WDR70: variants seen among roughly 807,000 people sequenced by gnomAD.
The protein encoded by WDR70 is WD repeat domain 70.
In WDR70, 53 loss-of-function variants were observed where a neutral mutation model predicts 88.6. That is an observed-to-expected ratio of 0.60 (90% confidence interval 0.48 to 0.75). The LOEUF (loss-of-function observed/expected upper bound fraction) is 0.75. Ranked by LOEUF, WDR70 falls within the 30% of genes least tolerant of loss-of-function variation. The pLI, the probability that WDR70 is intolerant of heterozygous loss-of-function variation, is 0.00. For synonymous variants in WDR70, 280 were observed against 270.0 expected, an observed-to-expected ratio of 1.04 and a Z score of -0.36; for missense variants, 610 against 823.2, an observed-to-expected ratio of 0.74 and a Z score of 3.17.
intron 5 of WDR70, among the ~76,000 whole-genome samples, chr5:37,430,551 T>A (rs1009533775): frequency 6.6e-6 from 1 of 152,088 alleles, no homozygotes; most frequent in Non-Finnish European, 1.5e-5. Flanking sequence ...GTGTATAGAT[T>A]TTTTTCTTTT....
At chr5:37,582,084 G>A (rs1335248088) in intron 9 of WDR70, among the ~76,000 whole-genome samples, 2 of 139,666 alleles carry the variant, frequency 1.4e-5, no homozygotes, top group Admixed American at 7.5e-5. Flanking sequence ...CTTAGTTACA[G>A]TTTTTATTTG....
At chr5:37,692,062 A>G (rs966541029) in intron 10 of WDR70, among the ~76,000 whole-genome samples, 6 of 152,360 alleles carry the variant, frequency 3.9e-5, no homozygotes, top group Admixed American at 3.9e-4. Flanking sequence ...CTACCATCAA[A>G]GAATACTATA....
At chr5:37,734,839 A>G (rs961557717) in intron 17 of WDR70, among the ~76,000 whole-genome samples, 2 of 152,132 alleles carry the variant, frequency 1.3e-5, no homozygotes, top group Admixed American at 6.6e-5. Flanking sequence ...ACTTCGATCT[A>G]TGAATGGGAT....
intron 7 of WDR70, 83 bp from the exon 8 acceptor site, chr5:37,479,751 T>G (rs76523401): frequency 0.16 from 227,732 of 1,433,988 alleles, 19,280 homozygotes; most frequent in South Asian, 0.27. Flanking sequence ...GTGTAACATT[T>G]TTTTTTCTGG....
At chr5:37,653,777 G>A (rs1184274731) in intron 10 of WDR70, among the ~76,000 whole-genome samples, 1 of 152,172 alleles carries the variant, frequency 6.6e-6, no homozygotes, top group Non-Finnish European at 1.5e-5. Context: ...TGTGGGATCA[G>A]TGGTGATATC....
intron 9 of WDR70, among the ~76,000 whole-genome samples, chr5:37,573,876 A>C (rs980707027): frequency 2.0e-5 from 3 of 152,028 alleles, no homozygotes; most frequent in Non-Finnish European, 4.4e-5. Context: ...CTTCTCAGCA[A>C]CCCTCAGCAC....
intron 9 of WDR70, among the ~76,000 whole-genome samples, chr5:37,579,853 C>T (rs1342532334): frequency 6.6e-6 from 1 of 151,532 alleles, no homozygotes; most frequent in African/African-American, 2.4e-5. Context: ...TCATTTCCAC[C>T]TTCTCTTCAA....
At chr5:37,519,672 C>A (rs1741024172) in intron 9 of WDR70, among the ~76,000 whole-genome samples, 2 of 150,792 alleles carry the variant, frequency 1.3e-5, no homozygotes, top group Admixed American at 1.3e-4. Context: ...GCGCTCCTCA[C>A]TTCCCAGACG....
At chr5:37,381,057 G>A (rs1748409604) in intron 2 of WDR70, among the ~76,000 whole-genome samples, 1 of 152,174 alleles carries the variant, frequency 6.6e-6, no homozygotes, top group Admixed American at 6.6e-5. Flanking sequence ...GGGGGAGGAG[G>A]AGAATGTTTC....
Position 37,516,420 on chromosome 5 carries a change from AT to A in WDR70, c.841-89del, listed in dbSNP as rs1740885153. The A allele has an allele frequency of 7.4e-6, 5 of 673,484 alleles. No homozygotes were observed. In the East Asian group the frequency reaches 1.1e-4, roughly 15 times the overall value. 41.7% of individuals were successfully genotyped at this position (673,484 alleles called of 1,614,324 possible). A position where few individuals can be genotyped will look rare whatever the true frequency, so the allele number is the denominator to read the frequency against. On this transcript the variant is annotated intron_variant, in intron 8 of 17. Transcript: ENST00000265107. ...TGGTGCCCTTTTGGGGGAACTAAACATTTTTACATTTAAAAATGACATGTCA... is the reference window on the plus strand; with the variant it reads ...TGGTGCCCTTTTGGGGGAACTAAACATTTTACATTTAAAAATGACATGTCA...
intron 10 of WDR70, among the ~76,000 whole-genome samples, chr5:37,654,433 G>A (rs1008485805): frequency 3.3e-5 from 5 of 152,160 alleles, no homozygotes; most frequent in Non-Finnish European, 5.9e-5. Context: ...ATCTGGTGTG[G>A]AGAGTTCTGT....
intron 5 of WDR70, among the ~76,000 whole-genome samples, chr5:37,429,594 A>T (rs1243440940): frequency 6.6e-6 from 1 of 152,124 alleles, no homozygotes; most frequent in Non-Finnish European, 1.5e-5. Flanking sequence ...TTTGTTTAAA[A>T]GGTCTTCTCA....
In WDR70 at chr5:37,477,820, T is replaced by G. The variant is rs75874716; in HGVS notation, c.687-2014T>G. 8.1e-3 allele frequency among the ~76,000 whole-genome samples: 1,239 copies of G among 152,300 alleles called. 9 individuals are homozygous for G. Among genetic ancestry groups the G allele is most frequent in the African/African-American group, 0.02 (838 of 41,548 alleles). ...TTTCTCTCTTATTTTCTGGAAAGGT[T>G]GTATCTTACCAGTGTATGTGCTACT... On this transcript the variant is annotated intron_variant, in intron 7 of 17. Coordinates refer to ENST00000265107, the MANE Select transcript of WDR70 (RefSeq NM_018034.4).
rs1050367811 is a variant in WDR70, at chr5:37,636,294, G to A, written c.1092+31056G>A. 3.3e-5 allele frequency among the ~76,000 whole-genome samples: 5 copies of A among 152,266 alleles called. 1 individual carries two copies. The East Asian group carries it at 9.6e-4, about 29-fold the overall frequency. ...GAATCCATACTGATAGAAATAATAA[G>A]TAGATAAGAAACAACTCTTCCTTAC... On this transcript the variant is annotated intron_variant, in intron 10 of 17. Transcript: ENST00000265107.
chr5:37,485,657 C>T (rs528545747), intron 8 of WDR70, among the ~76,000 whole-genome samples: 1 of 151,870 alleles, frequency 6.6e-6, no homozygotes, highest in Admixed American at 6.6e-5. Context: ...AATGAATGAA[C>T]AATATATATT....
chr5:37,463,132 C>T (rs1419042837), intron 7 of WDR70, among the ~76,000 whole-genome samples: 1 of 152,028 alleles, frequency 6.6e-6, no homozygotes, highest in African/African-American at 2.4e-5. Flanking sequence ...ATTAGCCCAG[C>T]ATGGTGGCAC....
chr5:37,597,503 G>A (rs1342750052), intron 9 of WDR70, among the ~76,000 whole-genome samples: 2 of 152,092 alleles, frequency 1.3e-5, no homozygotes, highest in African/African-American at 2.4e-5. Context: ...TTGATGAAAT[G>A]TCTGTAAAAA....
In WDR70 at chr5:37,389,066, A is replaced by AC. The variant is rs549616954; in HGVS notation, c.176-2933dup. Among the ~76,000 whole-genome samples the AC allele has an allele frequency of 1.6e-4, 24 of 150,330 alleles. No individual in the cohort carries two copies. In the South Asian group the frequency reaches 4.9e-3, roughly 30 times the overall value. On this transcript the variant is annotated intron_variant, in intron 3 of 17. Transcript: ENST00000265107. ...GGGATTGGCTGAAAAAACAGGGTGA[A>AC]CTAGGAGCTAAGCAGGCCCATTCTT...
intron 9 of WDR70, among the ~76,000 whole-genome samples, chr5:37,597,064 A>G (rs1012713892): frequency 2.0e-5 from 3 of 152,230 alleles, no homozygotes; most frequent in African/African-American, 4.8e-5. Context: ...ATTTCACTCT[A>G]TGGATGTACT....
Sources: allele counts gnomAD v4.1 joint callset (sites outside exome capture counted in the v4.1 genomes callset), GRCh38; gene constraint gnomAD v4.1.1; transcripts MANE v1.5; gene names NCBI Gene and HGNC (gene_info 2026-07-23, HGNC 2026-07-21).